The following RELN variants were observed in gnomAD, a reference collection of about 807,000 sequenced individuals.
RELN encodes reelin.
In RELN, 108 loss-of-function variants were observed where a neutral mutation model predicts 427.6. That is an observed-to-expected ratio of 0.25 (90% CI 0.22 to 0.30). The LOEUF (loss-of-function observed/expected upper bound fraction) is 0.30. RELN is among the 10% of genes least tolerant of loss of function. The pLI, the probability that RELN is intolerant of heterozygous loss-of-function variation, is 1.00. For missense variants in RELN, 3,715 were observed against 4,302.8 expected, an observed-to-expected ratio of 0.86 and a Z score of 3.82; for synonymous variants, 1,524 against 1,513.4, an observed-to-expected ratio of 1.01 and a Z score of -0.16.
rs1181970485 is a variant in RELN at position 103,697,870 on chromosome 7, G to A, written c.1126C>T (p.Pro376Ser). ...PVDTGNWLFF[P>S]GATVKHSCQS... ...GCTCTAACCTTAACTGTAGCTCCTG[G>A]GAAGAAAAGCCAGTTGCCTGTGTCC... The change falls in exon 10 of 65, where the codon CCA (proline) becomes TCA (serine). Residue 376 changes from proline to serine, a missense_variant. Transcript: ENST00000428762. 6.2e-7 allele frequency: 1 copy of A among 1,613,480 alleles called. No individual in the cohort carries two copies. Among genetic ancestry groups the A allele is most frequent in the Non-Finnish European group, 8.5e-7 (1 of 1,179,744 alleles).
intron 20 of RELN, among the ~76,000 whole-genome samples, chr7:103,612,433 G>A (rs1831982171): frequency 1.3e-5 from 2 of 151,526 alleles, no homozygotes; most frequent in South Asian, 2.1e-4. Context: ...GTGCCACCAT[G>A]CCCGGCTAAT....
Position 103,968,144 on chromosome 7 carries a change from C to T in RELN, c.226+20987G>A, listed in dbSNP as rs988692188. Among the ~76,000 whole-genome samples the T allele has an allele frequency of 1.3e-5, 2 of 151,634 alleles. No individual in the cohort carries two copies. Among genetic ancestry groups the T allele is most frequent in the African/African-American group, 4.8e-5 (2 of 41,334 alleles). On this transcript the variant is annotated intron_variant, in intron 1 of 64. Coordinates refer to ENST00000428762, the MANE Select transcript of RELN (RefSeq NM_005045.4). This position sits in a 1 kb window ranked among gnomAD's most constrained non-coding sequence, Gnocchi z 4.3. ...CATTGATCAAACAGAATACTTTCTA[C>T]AAAGTAGGCCCTCAACAAATGTATA...
At chr7:103,583,682 A>G (rs1300230521) in intron 28 of RELN, among the ~76,000 whole-genome samples, 1 of 152,238 alleles carries the variant, frequency 6.6e-6, no homozygotes, top group Non-Finnish European at 1.5e-5. Context: ...AGACAAACAG[A>G]GAACTCACAG....
At chr7:103,830,589 G>T (rs1489525634) in intron 3 of RELN, among the ~76,000 whole-genome samples, 2 of 151,692 alleles carry the variant, frequency 1.3e-5, no homozygotes, top group Non-Finnish European at 2.9e-5. Flanking sequence ...GGATTCCTGG[G>T]CGCTTGCTAA....
chr7:103,706,457 C>A (rs1834202395), intron 8 of RELN, among the ~76,000 whole-genome samples: 1 of 152,066 alleles, frequency 6.6e-6, no homozygotes, highest in African/African-American at 2.4e-5. Flanking sequence ...AACAGATAGG[C>A]CCTGCTATTA....
rs779040781 is a variant in RELN, at chr7:103,565,320, T to C, written c.5168A>G (p.Gln1723Arg). 1 of 1,614,172 alleles carries C rather than the reference T, an allele frequency of 6.2e-7. No homozygotes were observed. Among genetic ancestry groups the C allele is most frequent in the East Asian group, 2.2e-5 (1 of 44,888 alleles). The change falls in exon 34 of 65, where the codon CAG becomes CGG. Residue 1723 changes from glutamine to arginine, a missense_variant. Gln to Arg is a conservative substitution (Grantham distance 43, BLOSUM62 1). Around this residue, in one of 4 missense-constraint regions of RELN, gnomAD observed 2,208 missense variants for 2,361.7 expected, o/e 0.93. Transcript: ENST00000428762. Reference protein sequence around the residue: ...ESSIYTSERFQNWKRITVYLP... With the variant: ...ESSIYTSERFRNWKRITVYLP... ...GTAGACAGTGATCCGCTTCCAATTC[T>C]GGAATCTTTCCGAGGTGTAAATTGA...
chr7:103,880,877 G>C (rs1794591631), intron 2 of RELN, among the ~76,000 whole-genome samples: 2 of 151,926 alleles, frequency 1.3e-5, no homozygotes, highest in Admixed American at 6.6e-5. Flanking sequence ...TCTAGTTTTT[G>C]TAAAGATGGG....
Position 103,920,568 on chromosome 7 carries a change from T to G in RELN, c.227-3383A>C, listed in dbSNP as rs1056243496. ...ACATGTTTGTTGTACCAGTCTTTGGTTTTTTTTTTTGTTTTTTTTTTTTTT... is the reference window on the plus strand; with the variant it reads ...ACATGTTTGTTGTACCAGTCTTTGGGTTTTTTTTTTGTTTTTTTTTTTTTT... On this transcript the variant is annotated intron_variant, in intron 1 of 64. Coordinates refer to ENST00000428762, the MANE Select transcript of RELN (RefSeq NM_005045.4). Among the ~76,000 whole-genome samples the G allele has an allele frequency of 1.1e-4, 8 of 75,432 alleles. No individual in the cohort carries two copies. The East Asian group carries it at 5.0e-3, about 47-fold the overall frequency. The allele number at this position is 75,432 out of a possible 152,430, so 49.5% of individuals were successfully genotyped here.
chr7:103,896,838 C>T (rs1408164269), intron 2 of RELN, among the ~76,000 whole-genome samples: 1 of 152,058 alleles, frequency 6.6e-6, no homozygotes, highest in Admixed American at 6.6e-5. Context: ...ACTGATACGA[C>T]TTCAATTAAA....
rs966951550 is a variant in RELN at position 103,655,588 on chromosome 7, T to C, written c.1442-1383A>G. Among the ~76,000 whole-genome samples the C allele has an allele frequency of 4.6e-5, 7 of 152,184 alleles. No homozygotes were observed. In the East Asian group the frequency reaches 7.7e-4, roughly 17 times the overall value. The stretch of plus-strand genomic sequence containing the variant: ...CCTGGGTCAAACTCGACCTGAGTAA[T>C]TGGGTCTGATCTTGGGGAGAAATGA... On this transcript the variant is annotated intron_variant, in intron 12 of 64. Transcript: ENST00000428762.
chr7:103,661,401 C>A lies in RELN; in HGVS notation c.1416G>T (p.Gly472=), dbSNP rs1156543517. The A allele has an allele frequency of 5.6e-6, 9 of 1,613,928 alleles. No homozygotes were observed. Among genetic ancestry groups the A allele is most frequent in the Non-Finnish European group, 7.6e-6 (9 of 1,179,900 alleles). ...CCATCACAAAGTAAAACCTCAGGTT[C>A]CCATAACCGGTAGTGTCCATGGATG... The part of the protein sequence containing the change: ...CTPSMDTTGY[G]NLRFYFVMGG... The change falls in exon 12 of 65, where the codon GGG becomes GGT. Residue 472 remains glycine, a synonymous_variant. Coordinates refer to ENST00000428762, the MANE Select transcript of RELN (RefSeq NM_005045.4).
chr7:103,875,621 A>G (rs1794460023), intron 2 of RELN, among the ~76,000 whole-genome samples: 1 of 152,162 alleles, frequency 6.6e-6, no homozygotes, highest in Non-Finnish European at 1.5e-5. Flanking sequence ...GCTGTTTTAA[A>G]ACTACCAGGT....
intron 46 of RELN, 87 bp downstream of exon 46, chr7:103,535,229 T>A (rs1830022443): frequency 7.9e-7 from 1 of 1,265,072 alleles, no homozygotes; most frequent in Admixed American, 1.7e-5. Flanking sequence ...CCCTCACATA[T>A]CTCATTAAAC....
intron 48 of RELN, among the ~76,000 whole-genome samples, chr7:103,520,615 A>C (rs1411580831): frequency 6.6e-6 from 1 of 152,178 alleles, no homozygotes; most frequent in Non-Finnish European, 1.5e-5. Flanking sequence ...AAATAGCTAC[A>C]TCTGGAAATT....
chr7:103,517,598 AT>A (rs1829598207), intron 49 of RELN, among the ~76,000 whole-genome samples: 1 of 152,196 alleles, frequency 6.6e-6, no homozygotes, highest in African/African-American at 2.4e-5. Context: ...TGAGGTCTTT[AT>A]AAATTCCTCC....
intron 8 of RELN, among the ~76,000 whole-genome samples, chr7:103,706,373 T>C (rs1407136959): frequency 2.0e-5 from 3 of 151,742 alleles, no homozygotes; most frequent in Admixed American, 6.5e-5. Flanking sequence ...GAAAATCTGA[T>C]TAGTTAGAAA....
At chr7:103,907,563 TAG>T (rs1023461039) in intron 2 of RELN, among the ~76,000 whole-genome samples, 5 of 148,546 alleles carry the variant, frequency 3.4e-5, no homozygotes, top group Non-Finnish European at 7.4e-5. Context: ...GAGAAGAGAA[TAG>T]AGAGTGACTG....
At chr7:103,475,366 C>T (rs1827999604) in intron 64 of RELN, among the ~76,000 whole-genome samples, 1 of 152,130 alleles carries the variant, frequency 6.6e-6, no homozygotes, top group African/African-American at 2.4e-5. Context: ...CACTGAGCCT[C>T]CTGCCTGACC....
At chr7:103,510,429 T>C (rs983141328) in intron 51 of RELN, among the ~76,000 whole-genome samples, 3 of 151,678 alleles carry the variant, frequency 2.0e-5, no homozygotes, top group African/African-American at 4.8e-5. Context: ...TAGGTGGGAG[T>C]TGAACAATGA....
Sources: gnomAD v4.1 joint callset for allele counts (sites outside exome capture counted in the v4.1 genomes callset) on GRCh38, gnomAD v4.1.1 for gene constraint, gnomAD v4.1.1 regional missense constraint, Gnocchi (gnomAD v3.1) non-coding constraint, MANE v1.5 for transcripts, NCBI Gene and HGNC (gene_info 2026-07-23, HGNC 2026-07-21) for gene names.